Variants in CEP250 observed in about 807,000 individuals in gnomAD.
The protein encoded by CEP250 is centrosome-associated protein CEP250.
CEP250 carries 242 observed loss-of-function variants against 315.7 expected under a neutral mutation model. The observed-to-expected ratio is 0.77, with a 90% confidence interval of 0.69 to 0.85. The LOEUF (loss-of-function observed/expected upper bound fraction) is 0.85, where lower values mean the gene tolerates loss of function less well. CEP250 is among the 40% of genes least tolerant of loss of function. The probability of loss-of-function intolerance (pLI) is 0.00; values close to 1 mark genes in which losing one functional copy is unlikely to be tolerated. For synonymous variants in CEP250, 1,088 were observed against 1,175.0 expected, an observed-to-expected ratio of 0.93 and a Z score of 1.51; for missense variants, 2,515 against 2,886.4, an observed-to-expected ratio of 0.87 and a Z score of 2.95.
At chr20:35,499,533 A>G (rs1434528446) in intron 27 of CEP250, among the ~76,000 whole-genome samples, 1 of 152,214 alleles carries the variant, frequency 6.6e-6, no homozygotes, top group Non-Finnish European at 1.5e-5. Context: ...GGCTGGGTAT[A>G]CAAAAAGGAG....
chr20:35,460,857 A>G (rs1472072161), intron 3 of CEP250, among the ~76,000 whole-genome samples: 2 of 152,236 alleles, frequency 1.3e-5, no homozygotes, highest in East Asian at 1.9e-4. Context: ...TTCACTGGAC[A>G]TTGTTGACAA....
intron 2 of CEP250, among the ~76,000 whole-genome samples, chr20:35,459,771 T>G (rs866866897): frequency 6.6e-6 from 1 of 152,100 alleles, no homozygotes; most frequent in African/African-American, 2.4e-5. Context: ...GCTAGATCCT[T>G]TCTCTAAAAA....
Position 35,462,593 on chromosome 20 carries a change from C to T in CEP250, c.186+40C>T, listed in dbSNP as rs1412515765. 27 of 1,525,416 alleles carry T rather than the reference C, an allele frequency of 1.8e-5. 1 individual carries two copies. The highest frequency in any genetic ancestry group is 3.9e-5 in the Admixed American group (2 of 50,816). The allele number at this position is 1,525,416 out of a possible 1,614,324, so 94.5% of individuals were successfully genotyped here. A position where few individuals can be genotyped will look rare whatever the true frequency, so the allele number is the denominator to read the frequency against. ...CTTTTGGGGAGGGGAAAGAGAACAA[C>T]CCCCAGAGCTAGGTGCTGAGGTGAG... is the stretch of plus-strand genomic sequence containing the variant. On this transcript the variant is annotated intron_variant, in intron 4 of 34. Coordinates refer to ENST00000397527, the MANE Select transcript of CEP250 (RefSeq NM_007186.6).
chr20:35,516,421 A>G lies in CEP250; in HGVS notation c.*4795A>G, dbSNP rs1408930046. 3.9e-5 allele frequency: 6 copies of G among 152,222 alleles called. No individual in the cohort carries two copies. In the East Asian group the frequency reaches 1.2e-3, roughly 29 times the overall value. 9.4% of individuals were successfully genotyped at this position (152,222 alleles called of 1,614,324 possible). ...GCAGGTCAGATTGCTGGCCAGGAGT[A>G]GTCTCACATTCTAGCTGACTGATGG... On this transcript the variant is annotated 3_prime_UTR_variant, in exon 35 of 35. Transcript: ENST00000397527.
Position 35,512,614 on chromosome 20 carries a change from G to T in CEP250, c.*988G>T, listed in dbSNP as rs2064385187. 6.6e-6 allele frequency: 1 copy of T among 152,206 alleles called. No individual in the cohort carries two copies. The highest frequency in any genetic ancestry group is 2.4e-5 in the African/African-American group (1 of 41,434). The allele number at this position is 152,206 out of a possible 1,614,324, so 9.4% of individuals were successfully genotyped here. On this transcript the variant is annotated 3_prime_UTR_variant, in exon 35 of 35. Transcript: ENST00000397527. ...GACTATGGCGGAACTTCTCACCCAT[G>T]GACTGGTCCTAGTGGAGGCTGGACA...
At chr20:35,493,651 G>A in intron 23 of CEP250, 79 bp downstream of exon 23, 1 of 1,371,148 alleles carries the variant, frequency 7.3e-7, no homozygotes. Context: ...TGCAGGACAG[G>A]GAGAACCTTG....
At chr20:35,476,702 A>T in intron 16 of CEP250, 107 bp downstream of exon 16, 1 of 945,944 alleles carries the variant, frequency 1.1e-6, no homozygotes, top group Non-Finnish European at 1.6e-6. Flanking sequence ...GAACATTTAC[A>T]ATGCAGAGGA....
intron 10 of CEP250, chr20:35,470,241 C>T: frequency 2.0e-6 from 1 of 499,384 alleles, no homozygotes; most frequent in South Asian, 3.4e-5. Flanking sequence ...GTGTCCTTAC[C>T]AGAGAATTGG....
At chr20:35,511,332 C>G in intron 34 of CEP250, 31 bp from the exon 35 acceptor site, 2 of 1,559,084 alleles carry the variant, frequency 1.3e-6, no homozygotes, top group Non-Finnish European at 1.7e-6. Context: ...CTCAGCTGCT[C>G]TCGCTTTTTT....
In CEP250 at chr20:35,500,662, C is replaced by T. The variant is rs557205859; in HGVS notation, c.3898+493C>T. ...CTGGCCTCAAGTGATCCGCCTGCCT[C>T]GACCTCCCAAAGTGCTAGGATTACA... On this transcript the variant is annotated intron_variant, in intron 28 of 34. Coordinates refer to ENST00000397527, the MANE Select transcript of CEP250 (RefSeq NM_007186.6). Among the ~76,000 whole-genome samples the T allele has an allele frequency of 3.9e-5, 6 of 152,336 alleles. No homozygotes were observed. The South Asian group carries it at 1.2e-3, about 32-fold the overall frequency.
chr20:35,475,100 A>G (rs1236128436), intron 14 of CEP250, among the ~76,000 whole-genome samples: 1 of 152,194 alleles, frequency 6.6e-6, no homozygotes, highest in Non-Finnish European at 1.5e-5. Context: ...GCAAGGTGAG[A>G]TGGGAGGATC....
At chr20:35,487,554 G>C (rs956000158) in intron 20 of CEP250, among the ~76,000 whole-genome samples, 1 of 152,084 alleles carries the variant, frequency 6.6e-6, no homozygotes, top group African/African-American at 2.4e-5. Flanking sequence ...TAAGAGTAAT[G>C]ATATTGGACA....
At chr20:35,499,515 C>G (rs1014672842) in intron 27 of CEP250, among the ~76,000 whole-genome samples, 1 of 152,166 alleles carries the variant, frequency 6.6e-6, no homozygotes, top group African/African-American at 2.4e-5. Flanking sequence ...CATATGTCAG[C>G]CACTCTGGGC....
At chr20:35,509,962 G>A (rs8118390) in intron 33 of CEP250, 36 bp from the exon 34 acceptor site, 1 of 1,598,686 alleles carries the variant, frequency 6.3e-7, no homozygotes, top group Non-Finnish European at 8.6e-7. Flanking sequence ...GAGTGGGAAG[G>A]CCTATGCCAA....
At chr20:35,479,869 G>C in intron 19 of CEP250, 96 bp downstream of exon 19, 14 of 1,597,468 alleles carry the variant, frequency 8.8e-6, no homozygotes, top group Non-Finnish European at 1.2e-5. Context: ...TCTCCAGCAG[G>C]GTGCAGGGCC....
In CEP250 at chr20:35,467,526, G is replaced by T; in HGVS notation, c.822G>T (p.Gly274=). The T allele has an allele frequency of 6.2e-7, 1 of 1,614,008 alleles. No homozygotes were observed. The highest frequency in any genetic ancestry group is 8.5e-7 in the Non-Finnish European group (1 of 1,180,006). The change falls in exon 9 of 35, where the codon GGG becomes GGT. Residue 274 remains glycine (G), a synonymous_variant. Transcript: ENST00000397527. ...AGTTAATACAGCTGAAGAGTCAAGG[G>T]GATCTGGAGAAGGCTGAACTTCAGG... ...SQELIQLKSQ[G]DLEKAELQDR...
At position 35,504,829 on chromosome 20, in the gene CEP250, C is replaced by A. The variant is rs375115331; in HGVS notation, c.6460C>A (p.Arg2154=). 7 of 1,614,048 alleles carry A rather than the reference C, an allele frequency of 4.3e-6. No homozygotes were observed. In the Admixed American group the frequency reaches 1.2e-4, roughly 27 times the overall value. The change falls in exon 30 of 35, where the codon CGG becomes AGG. Residue 2154 remains arginine, a synonymous_variant. Transcript: ENST00000397527. ...LEPRLQRELE[R]LQAALRQTEA... Reference sequence around the variant, plus strand: ...GCCCAGGCTGCAGCGGGAGCTGGAGCGGCTACAGGCAGCCCTGAGACAGAC... The same window carrying A: ...GCCCAGGCTGCAGCGGGAGCTGGAGAGGCTACAGGCAGCCCTGAGACAGAC...
chr20:35,501,980 G>A lies in CEP250; in HGVS notation c.4020+14G>A, dbSNP rs1344047794. ...ATGGAAGCCCAGGTAAAGTGGTACTGGTTTCAGGGAGGGGTTTGCCTCAGG... is the reference window on the plus strand; with the variant it reads ...ATGGAAGCCCAGGTAAAGTGGTACTAGTTTCAGGGAGGGGTTTGCCTCAGG... On this transcript the variant is annotated intron_variant, in intron 29 of 34. Transcript: ENST00000397527. 3 of 1,609,030 alleles carry A rather than the reference G, an allele frequency of 1.9e-6. No homozygotes were observed. Among genetic ancestry groups the A allele is most frequent in the African/African-American group, 2.7e-5 (2 of 74,856 alleles).
chr20:35,486,171 C>T (rs760401687), intron 20 of CEP250, among the ~76,000 whole-genome samples: 1 of 151,692 alleles, frequency 6.6e-6, no homozygotes, highest in African/African-American at 2.4e-5. Context: ...CATGCTACCA[C>T]ACCTGGCTAA....
Sources: allele counts gnomAD v4.1 joint callset (sites outside exome capture counted in the v4.1 genomes callset), GRCh38; gene constraint gnomAD v4.1.1; transcripts MANE v1.5; gene names NCBI Gene and HGNC (gene_info 2026-07-23, HGNC 2026-07-21).